The following RCN2 variants were observed in gnomAD, a reference collection of about 807,000 sequenced individuals.
RCN2 encodes reticulocalbin 2, also known as reticulocalbin-2.
Under a neutral mutation model 37.5 loss-of-function variants are expected in RCN2, and 23 were observed. That is an observed-to-expected ratio of 0.61 (90% CI 0.44 to 0.87). The LOEUF is 0.87. RCN2 is among the 40% of genes least tolerant of loss of function. The probability of loss-of-function intolerance (pLI) is 0.00; values close to 1 mark genes in which losing one functional copy is unlikely to be tolerated. For missense variants in RCN2, 381 were observed against 390.4 expected, an observed-to-expected ratio of 0.98 and a Z score of 0.20; for synonymous variants, 140 against 144.6, an observed-to-expected ratio of 0.97 and a Z score of 0.23.
chr15:76,947,303 A>G (rs2075300366), intron 4 of RCN2, 118 bp from the exon 5 acceptor site: 1 of 615,772 alleles, frequency 1.6e-6, no homozygotes, highest in Non-Finnish European at 2.8e-6. Flanking sequence ...TTGCACCACT[A>G]GAGCTCCAAA....
intron 5 of RCN2, 32 bp from the exon 6 acceptor site, chr15:76,948,378 G>A: frequency 6.8e-7 from 1 of 1,472,228 alleles, no homozygotes; most frequent in African/African-American, 1.4e-5. Flanking sequence ...TGATATTCTT[G>A]TGTATGTATA....
chr15:76,939,381 G>A (rs2075268061), intron 3 of RCN2, among the ~76,000 whole-genome samples: 1 of 152,060 alleles, frequency 6.6e-6, no homozygotes, highest in African/African-American at 2.4e-5. Context: ...ATTGAAGAAA[G>A]CATTTACAGT....
At position 76,931,955 on chromosome 15, in the gene RCN2, C is replaced by CT. The variant is rs1258420574; in HGVS notation, c.115dup (p.Tyr39LeufsTer15). The CT allele has an allele frequency of 7.8e-7, 1 of 1,279,810 alleles. No homozygotes were observed. Among genetic ancestry groups the CT allele is most frequent in the Non-Finnish European group, 9.8e-7 (1 of 1,018,556 alleles). The allele number at this position is 1,279,810 out of a possible 1,614,324, so 79.3% of individuals were successfully genotyped here. ...ACCCGCTGGGCGAGCGCCGCAGCGA[C>CT]TACGACCGCGAGGCGCTGCTGGGCG... On this transcript the variant is annotated frameshift_variant, in exon 1 of 7. Transcript: ENST00000394885. LOFTEE classifies it high-confidence loss of function.
Position 76,950,097 on chromosome 15 carries a change from CT to C in RCN2, c.*876del, listed in dbSNP as rs952681238. The C allele has an allele frequency of 4.3e-4, 65 of 151,440 alleles. No individual in the cohort carries two copies. The highest frequency in any genetic ancestry group is 1.5e-3 in the African/African-American group (62 of 41,158). 9.4% of individuals were successfully genotyped at this position (151,440 alleles called of 1,614,324 possible). A position where few individuals can be genotyped will look rare whatever the true frequency, so the allele number is the denominator to read the frequency against. On this transcript the variant is annotated 3_prime_UTR_variant, in exon 7 of 7. Transcript: ENST00000394885. Reference sequence around the variant, plus strand: ...TGTTATAATATAATTGAATGTGCACCTGACACATTTTAATAATTGGTGTTGT... The same window carrying C: ...TGTTATAATATAATTGAATGTGCACCGACACATTTTAATAATTGGTGTTGT...
At position 76,948,454 on chromosome 15, in the gene RCN2, T is replaced by C. The variant is rs2075305322; in HGVS notation, c.703T>C (p.Phe235Leu). The change falls in exon 6 of 7, where the codon TTC becomes CTC. Residue 235 changes from phenylalanine (F) to leucine (L), a missense_variant. Coordinates refer to ENST00000394885, the MANE Select transcript of RCN2 (RefSeq NM_002902.3). ...ATGGATACTTGTTGAGAAAGACAGA[T>C]TCGTGAATGATTATGACAAAGATAA... ...PEWILVEKDR[F>L]VNDYDKDNDG... 9.3e-6 allele frequency: 15 copies of C among 1,609,978 alleles called. No individual in the cohort carries two copies. Among genetic ancestry groups the C allele is most frequent in the Non-Finnish European group, 1.2e-5 (14 of 1,177,590 alleles).
rs1298403790 is a variant in RCN2 at position 76,947,493 on chromosome 15, C to A, written c.634C>A (p.Leu212Ile). ...GDGFVSLEEF[L>I]GDYRWDPTAN... is the part of the protein sequence containing the mutation. ...TGGATTTGTTAGTTTGGAAGAATTT[C>A]TTGGTGATTACAGGTGGGATCCAAG... The change falls in exon 5 of 7, where the codon CTT becomes ATT. Residue 212 changes from leucine to isoleucine, a missense_variant. By Grantham distance (5) the Leu-to-Ile change is conservative. Coordinates refer to ENST00000394885, the MANE Select transcript of RCN2 (RefSeq NM_002902.3). 6.2e-7 allele frequency: 1 copy of A among 1,608,032 alleles called. No individual in the cohort carries two copies. Among genetic ancestry groups the A allele is most frequent in the Admixed American group, 1.7e-5 (1 of 59,172 alleles).
At chr15:76,948,246 A>G in intron 5 of RCN2, 164 bp from the exon 6 acceptor site, 3 of 447,506 alleles carry the variant, frequency 6.7e-6, no homozygotes, top group South Asian at 6.2e-5. Flanking sequence ...AAATGACTAT[A>G]TATTTGTTCT....
At position 76,932,001 on chromosome 15, in the gene RCN2, C is replaced by G. The variant is rs962308712; in HGVS notation, c.144+16C>G. 3.2e-6 allele frequency: 4 copies of G among 1,256,382 alleles called. No individual in the cohort carries two copies. The highest frequency in any genetic ancestry group is 4.0e-6 in the Non-Finnish European group (4 of 1,004,930). The allele number at this position is 1,256,382 out of a possible 1,614,324, so 77.8% of individuals were successfully genotyped here. ...GGGCGTCCAGGTGAGGCGGCCAGGC[C>G]GGTGCTGGGAGGGCCGGGCCTCGCA... On this transcript the variant is annotated intron_variant, in intron 1 of 6. Coordinates refer to ENST00000394885, the MANE Select transcript of RCN2 (RefSeq NM_002902.3).
chr15:76,931,892 C>T lies in RCN2; in HGVS notation c.51C>T (p.Ala17=). The part of the protein sequence containing the change: ...TAALGLLLLC[A]AAAGAGKAEE... ...CGTTGGGGCTGCTGCTGCTGTGCGCCGCCGCGGCCGGCGCCGGCAAGGCCG... is the reference window on the plus strand; with the variant it reads ...CGTTGGGGCTGCTGCTGCTGTGCGCTGCCGCGGCCGGCGCCGGCAAGGCCG... The change falls in exon 1 of 7, where the codon GCC becomes GCT. Residue 17 remains alanine, a synonymous_variant. Coordinates refer to ENST00000394885, the MANE Select transcript of RCN2 (RefSeq NM_002902.3). The T allele has an allele frequency of 1.5e-6, 2 of 1,319,158 alleles. No individual in the cohort carries two copies. The highest frequency in any genetic ancestry group is 1.9e-6 in the Non-Finnish European group (2 of 1,033,312). 81.7% of individuals were successfully genotyped at this position (1,319,158 alleles called of 1,614,324 possible).
intron 2 of RCN2, among the ~76,000 whole-genome samples, chr15:76,933,287 T>C (rs1248858590): frequency 1.3e-5 from 2 of 152,262 alleles, no homozygotes; most frequent in African/African-American, 2.4e-5. Flanking sequence ...TCTGTAACTC[T>C]CATTTAAATG....
chr15:76,948,055 G>C (rs776759207), intron 5 of RCN2: 1 of 169,122 alleles, frequency 5.9e-6, no homozygotes, highest in Non-Finnish European at 1.3e-5. Flanking sequence ...ATTACACATG[G>C]CATTACTTTG....
intron 5 of RCN2, 109 bp downstream of exon 5, chr15:76,947,626 G>A (rs1258291717): frequency 4.2e-6 from 3 of 717,542 alleles, no homozygotes; most frequent in African/African-American, 3.7e-5. Context: ...ATGAGGATCT[G>A]TGTCTGATCC....
intron 3 of RCN2, among the ~76,000 whole-genome samples, chr15:76,939,778 G>C (rs780928401): frequency 3.3e-5 from 5 of 152,126 alleles, no homozygotes; most frequent in Non-Finnish European, 4.4e-5. Context: ...TTCTAATTAT[G>C]TTTTCTATTT....
chr15:76,931,785 C>T lies in RCN2; in HGVS notation c.-57C>T, dbSNP rs1005158550. On this transcript the variant is annotated 5_prime_UTR_variant, in exon 1 of 7. Coordinates refer to ENST00000394885, the MANE Select transcript of RCN2 (RefSeq NM_002902.3). ...CGCCCGCGGAGCATCGCAGCCGGCC[C>T]GGGCCCCCGCCAGCCTCCCTCCTCG... 42 of 1,183,356 alleles carry T rather than the reference C, an allele frequency of 3.5e-5. No individual in the cohort carries two copies. The highest frequency in any genetic ancestry group is 2.3e-4 in the Middle Eastern group (1 of 4,412). 73.3% of individuals were successfully genotyped at this position (1,183,356 alleles called of 1,614,324 possible).
chr15:76,935,185 G>C (rs1224940496), intron 2 of RCN2, among the ~76,000 whole-genome samples: 2 of 152,146 alleles, frequency 1.3e-5, no homozygotes, highest in African/African-American at 4.8e-5. Context: ...TTAGCCGGGT[G>C]TGGTGGCACA....
intron 4 of RCN2, among the ~76,000 whole-genome samples, chr15:76,945,004 T>C (rs1054463183): frequency 2.0e-5 from 3 of 152,218 alleles, no homozygotes; most frequent in Non-Finnish European, 4.4e-5. Flanking sequence ...TAACCAAAAC[T>C]TTAAAACCTG....
At position 76,951,786 on chromosome 15, in the gene RCN2, A is replaced by G. The variant is rs1711017; in HGVS notation, c.*2564A>G. The G allele has an allele frequency of 1.2e-4, 18 of 152,214 alleles. No individual in the cohort carries two copies. The highest frequency in any genetic ancestry group is 4.1e-4 in the African/African-American group (17 of 41,450). 9.4% of individuals were successfully genotyped at this position (152,214 alleles called of 1,614,324 possible). ...TTGAGACTTTCTGAATCATTGGCTGATTCTGCCTGAAGGACTTAATGACTT... is the reference window on the plus strand; with the variant it reads ...TTGAGACTTTCTGAATCATTGGCTGGTTCTGCCTGAAGGACTTAATGACTT... On this transcript the variant is annotated 3_prime_UTR_variant, in exon 7 of 7. Transcript: ENST00000394885.
At chr15:76,938,785 G>A (rs1397274296) in intron 3 of RCN2, 4 of 455,646 alleles carry the variant, frequency 8.8e-6, no homozygotes, top group Non-Finnish European at 1.8e-5. Context: ...TTCACATTTA[G>A]CTCCAGCACT....
In RCN2 at chr15:76,948,426, A is replaced by C; in HGVS notation, c.675A>C (p.Pro225=). The C allele has an allele frequency of 6.2e-7, 1 of 1,603,056 alleles. No homozygotes were observed. The highest frequency in any genetic ancestry group is 8.5e-7 in the Non-Finnish European group (1 of 1,173,882). ...YRWDPTANED[P]EWILVEKDRF... is the part of the protein sequence containing the mutation. ...TATATTAAGCTGCAAATGAAGATCC[A>C]GAATGGATACTTGTTGAGAAAGACA... Residue 225 remains proline, a synonymous_variant, in exon 6 of 7, where the codon CCA becomes CCC. Coordinates refer to ENST00000394885, the MANE Select transcript of RCN2 (RefSeq NM_002902.3).
Sources: allele counts gnomAD v4.1 joint callset (sites outside exome capture counted in the v4.1 genomes callset), GRCh38; gene constraint gnomAD v4.1.1; transcripts MANE v1.5; gene names NCBI Gene and HGNC (gene_info 2026-07-23, HGNC 2026-07-21).